Variants in KCNN2 observed in about 807,000 individuals in gnomAD.
KCNN2 encodes the protein small conductance calcium-activated potassium channel protein 2.
KCNN2 carries 24 observed loss-of-function variants against 55.5 expected under a neutral mutation model. The observed-to-expected ratio is 0.43, with a 90% CI of 0.31 to 0.61. The LOEUF is 0.61. KCNN2 is among the 20% of genes least tolerant of loss of function. The pLI, the probability that KCNN2 is intolerant of heterozygous loss-of-function variation, is 0.08. For missense variants in KCNN2, 754 were observed against 853.6 expected (o/e 0.88, Z 1.45); for synonymous variants, 431 against 336.1 (o/e 1.28, Z -3.09).
At chr5:114,161,431 A>T (rs1051121931) in intron 1 of KCNN2, among the ~76,000 whole-genome samples, 2 of 143,328 alleles carry the variant, frequency 1.4e-5, no homozygotes, top group Non-Finnish European at 3.0e-5. Context: ...GGCTGTCCTT[A>T]ACATTTTTTC....
intron 2 of KCNN2, among the ~76,000 whole-genome samples, chr5:114,297,023 A>T (rs901390242): frequency 1.3e-5 from 2 of 152,202 alleles, no homozygotes; most frequent in Non-Finnish European, 2.9e-5. Context: ...GAAAGAATTA[A>T]TATTTGAAAG....
chr5:114,328,982 G>A (rs1756759756), intron 2 of KCNN2, among the ~76,000 whole-genome samples: 1 of 152,130 alleles, frequency 6.6e-6, no homozygotes, highest in Non-Finnish European at 1.5e-5. Flanking sequence ...CTCTGTTCAT[G>A]ACTGTCCTCC....
chr5:114,252,956 CTT>C (rs1754901893), intron 2 of KCNN2, among the ~76,000 whole-genome samples: 1 of 152,116 alleles, frequency 6.6e-6, no homozygotes, highest in Non-Finnish European at 1.5e-5. Context: ...ACACCCATCT[CTT>C]TTATAAGCAT....
At chr5:114,284,274 G>C (rs1330814742) in intron 2 of KCNN2, among the ~76,000 whole-genome samples, 2 of 152,114 alleles carry the variant, frequency 1.3e-5, no homozygotes, top group African/African-American at 4.8e-5. Flanking sequence ...AAAAGGGTTA[G>C]TGCAAATCAC....
chr5:114,408,593 T>C (rs952773562), intron 3 of KCNN2, among the ~76,000 whole-genome samples: 4 of 152,166 alleles, frequency 2.6e-5, no homozygotes, highest in Admixed American at 1.3e-4. Context: ...AAAACTCTAG[T>C]TGACATACCT....
chr5:114,241,255 C>T (rs1360659116), intron 2 of KCNN2, among the ~76,000 whole-genome samples: 1 of 151,820 alleles, frequency 6.6e-6, no homozygotes, highest in Non-Finnish European at 1.5e-5. Context: ...TGTAATTCCA[C>T]TCAGCATTTC....
At chr5:114,279,473 C>A (rs572947360) in intron 2 of KCNN2, among the ~76,000 whole-genome samples, 1 of 152,216 alleles carries the variant, frequency 6.6e-6, no homozygotes, top group Admixed American at 6.5e-5. Context: ...ACAACAGGCC[C>A]CAGTGTGTGG....
At chr5:114,346,121 A>G (rs777721841) in intron 2 of KCNN2, among the ~76,000 whole-genome samples, 15 of 152,180 alleles carry the variant, frequency 9.9e-5, no homozygotes, top group Non-Finnish European at 1.9e-4. Context: ...CAAAGACAAG[A>G]GCAGGCACAT....
At chr5:114,194,738 C>T (rs1342269089) in intron 1 of KCNN2, among the ~76,000 whole-genome samples, 1 of 151,934 alleles carries the variant, frequency 6.6e-6, no homozygotes, top group Admixed American at 6.6e-5. Flanking sequence ...TTTAGTGTCA[C>T]ATCTAAGAAA....
intron 1 of KCNN2, among the ~76,000 whole-genome samples, chr5:114,206,414 C>T (rs891356305): frequency 1.3e-5 from 2 of 152,186 alleles, no homozygotes; most frequent in Non-Finnish European, 2.9e-5. Context: ...GCAGAAGCTC[C>T]TGAATCCATG....
At chr5:114,379,994 A>C (rs1422916559) in intron 2 of KCNN2, among the ~76,000 whole-genome samples, 3 of 151,312 alleles carry the variant, frequency 2.0e-5, no homozygotes, top group Non-Finnish European at 2.9e-5. Flanking sequence ...CATGTCATTT[A>C]CATAATTTAT....
At chr5:114,332,181 A>G (rs1422651169) in intron 2 of KCNN2, among the ~76,000 whole-genome samples, 1 of 152,200 alleles carries the variant, frequency 6.6e-6, no homozygotes, top group Non-Finnish European at 1.5e-5. Flanking sequence ...CCCTCAGGGA[A>G]TTTACAGTTA....
intron 1 of KCNN2, among the ~76,000 whole-genome samples, chr5:114,134,922 G>T (rs1218962584): frequency 3.3e-5 from 5 of 152,180 alleles, no homozygotes; most frequent in Admixed American, 3.3e-4. Flanking sequence ...GGAATTTAAA[G>T]ATTCTGTTTA....
chr5:114,151,030 C>G (rs1197340690), intron 1 of KCNN2, among the ~76,000 whole-genome samples: 1 of 151,906 alleles, frequency 6.6e-6, no homozygotes, highest in Non-Finnish European at 1.5e-5. Flanking sequence ...TCAAAACAAA[C>G]AAACAAACAA....
chr5:114,349,377 G>C (rs565711581), intron 2 of KCNN2, among the ~76,000 whole-genome samples: 1 of 152,122 alleles, frequency 6.6e-6, no homozygotes, highest in East Asian at 1.9e-4. Flanking sequence ...TTCCACACCT[G>C]ATACCTTTGT....
At chr5:114,423,137 C>T (rs973793219) in intron 3 of KCNN2, among the ~76,000 whole-genome samples, 6 of 152,164 alleles carry the variant, frequency 3.9e-5, no homozygotes, top group Non-Finnish European at 7.3e-5. Flanking sequence ...CAGCTTGACT[C>T]CTTGAGGGCA....
intron 3 of KCNN2, among the ~76,000 whole-genome samples, chr5:114,411,992 C>T (rs1045331540): frequency 6.6e-6 from 1 of 152,144 alleles, no homozygotes; most frequent in African/African-American, 2.4e-5. Flanking sequence ...CTGCTTTTAG[C>T]ACAAGGATCA....
At position 114,362,961 on chromosome 5, in the gene KCNN2, A is replaced by G. The variant is rs765525593; in HGVS notation, c.822A>G (p.Ser274=). ...AAAAAAAVSS[S]APEIVVSKPE... ...CCGCCGCCGCCGCTGTTTCGTCCTC[A>G]GCCCCCGAGATCGTGGTGTCTAAGC... Residue 274 remains serine (S), a synonymous_variant, in exon 1 of 8, where the codon TCA becomes TCG. Coordinates refer to ENST00000673685, the MANE Select transcript of KCNN2 (RefSeq NM_021614.4). 7 of 1,588,038 alleles carry G rather than the reference A, an allele frequency of 4.4e-6. No homozygotes were observed. The highest frequency in any genetic ancestry group is 2.2e-5 in the South Asian group (2 of 89,664).
chr5:114,485,774 A>T (rs1762411422), intron 5 of KCNN2, among the ~76,000 whole-genome samples: 1 of 152,218 alleles, frequency 6.6e-6, no homozygotes, highest in South Asian at 2.1e-4. Flanking sequence ...CATTTTCTTA[A>T]AATGAGTTGT....
Sources: allele counts gnomAD v4.1 joint callset (sites outside exome capture counted in the v4.1 genomes callset), GRCh38; gene constraint gnomAD v4.1.1; transcripts MANE v1.5; gene names NCBI Gene and HGNC (gene_info 2026-07-23, HGNC 2026-07-21).